Variants in PKD2 observed in about 807,000 individuals in gnomAD.
The protein encoded by PKD2 is polycystin 2, transient receptor potential cation channel, also known as polycystin-2.
In PKD2, 48 loss-of-function variants were observed where a neutral mutation model predicts 105.9. The ratio of observed to expected loss-of-function variants is 0.45; its 90% CI spans 0.36 to 0.58. PKD2 has a LOEUF of 0.58. PKD2 is among the 20% of genes least tolerant of loss of function. The pLI, the probability that PKD2 is intolerant of heterozygous loss-of-function variation, is 0.00. For synonymous variants in PKD2, 464 were observed against 481.1 expected (o/e 0.96, Z 0.46); for missense variants, 1,078 against 1,255.3 (o/e 0.86, Z 2.13).
At chr4:88,014,354 A>G (rs889542954) in intron 1 of PKD2, among the ~76,000 whole-genome samples, 7 of 152,162 alleles carry the variant, frequency 4.6e-5, no homozygotes, top group African/African-American at 1.7e-4. Context: ...ATGGCTGATT[A>G]AGAATTCAGG....
At chr4:88,026,613 A>G (rs1301708785) in intron 2 of PKD2, among the ~76,000 whole-genome samples, 2 of 152,214 alleles carry the variant, frequency 1.3e-5, no homozygotes, top group Non-Finnish European at 2.9e-5. Context: ...TGGCTGGAGA[A>G]ATTTGCATAA....
chr4:88,055,452 T>C (rs1720289188), intron 7 of PKD2, among the ~76,000 whole-genome samples: 2 of 152,040 alleles, frequency 1.3e-5, no homozygotes, highest in Non-Finnish European at 2.9e-5. Context: ...CCCTCCCACC[T>C]CAGCCTCCTG....
At chr4:88,063,486 G>C (rs1040616253) in intron 10 of PKD2, among the ~76,000 whole-genome samples, 1 of 151,330 alleles carries the variant, frequency 6.6e-6, no homozygotes, top group Non-Finnish European at 1.5e-5. Flanking sequence ...AGCCGAGATC[G>C]TGCCATTGCA....
intron 3 of PKD2, 98 bp downstream of exon 3, chr4:88,036,451 C>T (rs928342521): frequency 1.3e-6 from 2 of 1,578,798 alleles, no homozygotes; most frequent in Non-Finnish European, 1.7e-6. Flanking sequence ...ACCTGCTTTG[C>T]ATTTAACACT....
At chr4:88,057,291 CTGT>C (rs1026484900) in intron 8 of PKD2, among the ~76,000 whole-genome samples, 1 of 151,598 alleles carries the variant, frequency 6.6e-6, no homozygotes, top group Non-Finnish European at 1.5e-5. Context: ...ACACCAGGCC[CTGT>C]TGTTTTTTTT....
Position 88,067,884 on chromosome 4 carries a change from C to T in PKD2, c.2359-14C>T, listed in dbSNP as rs1378992944. On this transcript the variant is annotated splice_polypyrimidine_tract_variant and intron_variant, in intron 12 of 14. Transcript: ENST00000237596. The stretch of plus-strand genomic sequence containing the variant: ...AGTGTTCTGCTCCTCACTCAGTGAC[C>T]CCTTGTTCTTCAGGAGGACCTGGAT... The T allele has an allele frequency of 6.2e-7, 1 of 1,612,534 alleles. No homozygotes were observed. The highest frequency in any genetic ancestry group is 8.5e-7 in the Non-Finnish European group (1 of 1,179,440).
chr4:88,039,673 A>T lies in PKD2; in HGVS notation c.1094+1172A>T, dbSNP rs376878071. Among the ~76,000 whole-genome samples the T allele has an allele frequency of 1.7e-3, 261 of 152,038 alleles. 4 individuals are homozygous for T. Among genetic ancestry groups the T allele is most frequent in the African/African-American group, 6.0e-3 (248 of 41,424 alleles). ...GAGCAAGACTCCCCCTCAAAAAAAAAAAAAAACAAATTTAGTGAAAATCCA... is the reference window on the plus strand; with the variant it reads ...GAGCAAGACTCCCCCTCAAAAAAAATAAAAAACAAATTTAGTGAAAATCCA... On this transcript the variant is annotated intron_variant, in intron 4 of 14. Coordinates refer to ENST00000237596, the MANE Select transcript of PKD2 (RefSeq NM_000297.4).
chr4:88,059,733 A>ATACATACG (rs1720495982), intron 9 of PKD2, among the ~76,000 whole-genome samples: 1 of 146,444 alleles, frequency 6.8e-6, no homozygotes, highest in African/African-American at 2.6e-5. Flanking sequence ...AGGTGGATAG[A>ATACATACG]TACATACATA....
rs528000579 is a variant in PKD2, at chr4:88,049,682, G to T, written c.1549-2309G>T. Among the ~76,000 whole-genome samples the T allele has an allele frequency of 2.0e-5, 3 of 152,144 alleles. No homozygotes were observed. The East Asian group carries it at 5.8e-4, about 29-fold the overall frequency. ...CTTCAAACCAGTGGAAAGACCCAACGCTTTTTGTTTTATCTAGCCAAAATT... is the reference window on the plus strand; with the variant it reads ...CTTCAAACCAGTGGAAAGACCCAACTCTTTTTGTTTTATCTAGCCAAAATT... On this transcript the variant is annotated intron_variant, in intron 6 of 14. Coordinates refer to ENST00000237596, the MANE Select transcript of PKD2 (RefSeq NM_000297.4).
chr4:88,029,205 C>G (rs1469568302), intron 2 of PKD2, among the ~76,000 whole-genome samples: 7 of 152,226 alleles, frequency 4.6e-5, no homozygotes, highest in Admixed American at 1.3e-4. Flanking sequence ...ATAACTCCCT[C>G]TCTTCCTGTG....
Position 88,034,894 on chromosome 4 carries a change from AATTAT to A in PKD2, c.710-1319_710-1315del, listed in dbSNP as rs368495449. 2.5e-3 allele frequency among the ~76,000 whole-genome samples: 373 copies of A among 152,234 alleles called. 3 individuals carry two copies. The highest frequency in any genetic ancestry group is 8.6e-3 in the African/African-American group (358 of 41,526). ...AAACTTTTTATCAGCTAATTATAGG[AATTAT>A]ATTATACCTGCAATCATTAAAGTCC... On this transcript the variant is annotated intron_variant, in intron 2 of 14. Transcript: ENST00000237596.
intron 2 of PKD2, among the ~76,000 whole-genome samples, chr4:88,034,393 G>A (rs1187658511): frequency 1.3e-5 from 2 of 151,970 alleles, no homozygotes; most frequent in South Asian, 2.1e-4. Flanking sequence ...GAGGGGCCAG[G>A]TGTGGTGGTT....
chr4:88,008,108 G>GGCCGCCTCCTCGGCCGTGAGCTCC lies in PKD2; in HGVS notation c.377_400dup (p.Ala126_Ser133dup), dbSNP rs1726243655. On this transcript the variant is annotated inframe_insertion, in exon 1 of 15. Transcript: ENST00000237596. Reference sequence around the variant, plus strand: ...AGTGGCGCCCGGGCAGCCGGAGGTCGGCCGCCTCCTCGGCCGTGAGCTCCG... The same window carrying GGCCGCCTCCTCGGCCGTGAGCTCC: ...AGTGGCGCCCGGGCAGCCGGAGGTCGGCCGCCTCCTCGGCCGTGAGCTCCGCCGCCTCCTCGGCCGTGAGCTCCG... The GGCCGCCTCCTCGGCCGTGAGCTCC allele has an allele frequency of 6.6e-7, 1 of 1,513,818 alleles. No individual in the cohort carries two copies. The highest frequency in any genetic ancestry group is 8.8e-7 in the Non-Finnish European group (1 of 1,136,152). The allele number at this position is 1,513,818 out of a possible 1,614,324, so 93.8% of individuals were successfully genotyped here.
rs139470465 is a variant in PKD2, at chr4:88,041,928, C to T, written c.1095-1305C>T. ...CATGAGCCCTCTGTTCCTCCCCACT[C>T]CAGTCTTCCCTGCTGCCACCAGACC... On this transcript the variant is annotated intron_variant, in intron 4 of 14. Coordinates refer to ENST00000237596, the MANE Select transcript of PKD2 (RefSeq NM_000297.4). Among the ~76,000 whole-genome samples, 116 of 152,316 alleles carry T rather than the reference C, an allele frequency of 7.6e-4. 1 individual carries two copies. In the East Asian group the frequency reaches 0.021, roughly 28 times the overall value.
chr4:88,038,097 A>G (rs575965448), intron 3 of PKD2, among the ~76,000 whole-genome samples, 154 bp from the exon 4 acceptor site: 26 of 152,354 alleles, frequency 1.7e-4, no homozygotes, highest in African/African-American at 5.8e-4. Context: ...ATGGGGCAAG[A>G]TGCTATCCCA....
chr4:88,025,906 C>G (rs1726943596), intron 2 of PKD2, among the ~76,000 whole-genome samples: 2 of 152,152 alleles, frequency 1.3e-5, no homozygotes, highest in South Asian at 4.1e-4. Flanking sequence ...TTCTCCTTTG[C>G]CTTCCACCAT....
chr4:88,013,143 A>G (rs1056627271), intron 1 of PKD2, among the ~76,000 whole-genome samples: 5 of 152,060 alleles, frequency 3.3e-5, no homozygotes, highest in African/African-American at 4.8e-5. Context: ...TATTCGCACC[A>G]TAATTTTGAA....
In PKD2 at chr4:88,053,451, G is replaced by T. The variant is rs150356547; in HGVS notation, c.1716+1293G>T. On this transcript the variant is annotated intron_variant, in intron 7 of 14. Transcript: ENST00000237596. ...CGAGATAGGTCCCCTGAGCCCAGGA[G>T]TCTGATACCAGCCTGGGCAACATGG... 9.4e-3 allele frequency among the ~76,000 whole-genome samples: 1,432 copies of T among 152,228 alleles called. 23 individuals carry two copies. Among genetic ancestry groups the T allele is most frequent in the African/African-American group, 0.033 (1,352 of 41,528 alleles).
At chr4:88,055,655 T>TA (rs1166964088) in intron 7 of PKD2, among the ~76,000 whole-genome samples, 4 of 143,712 alleles carry the variant, frequency 2.8e-5, no homozygotes, top group Non-Finnish European at 6.0e-5. Context: ...TTTTTTTTTT[T>TA]AATTGTAGAT....
Sources: allele counts gnomAD v4.1 joint callset (sites outside exome capture counted in the v4.1 genomes callset), GRCh38; gene constraint gnomAD v4.1.1; transcripts MANE v1.5; gene names NCBI Gene and HGNC (gene_info 2026-07-23, HGNC 2026-07-21).